ORC5: variants seen among roughly 807,000 people sequenced by gnomAD.
ORC5 encodes the protein protein phosphatase 1, regulatory subunit 117.
Under a neutral mutation model 58.8 loss-of-function variants are expected in ORC5, and 39 were observed. That is an observed-to-expected ratio of 0.66 (90% CI 0.51 to 0.87). The LOEUF is 0.87. ORC5 is among the 40% of genes least tolerant of loss of function. The probability of loss-of-function intolerance (pLI) is 0.00; values close to 1 mark genes in which losing one functional copy is unlikely to be tolerated. For synonymous variants in ORC5, 218 were observed against 177.6 expected (o/e 1.23, Z -1.81); for missense variants, 493 against 506.3 (o/e 0.97, Z 0.25).
In ORC5 at chr7:104,167,627, T is replaced by C. The variant is rs115825978; in HGVS notation, c.878-743A>G. Among the ~76,000 whole-genome samples the C allele has an allele frequency of 7.2e-3, 1,104 of 152,296 alleles. 18 individuals carry two copies. Among genetic ancestry groups the C allele is most frequent in the African/African-American group, 0.025 (1,046 of 41,558 alleles). On this transcript the variant is annotated intron_variant, in intron 9 of 13. Coordinates refer to ENST00000297431, the MANE Select transcript of ORC5 (RefSeq NM_002553.4). ...AGGGTCATTCAAGTAGCACTGATTC[T>C]TAAGGGAAGGGAAGGAATCTGATAT...
chr7:104,175,320 A>C (rs1048853656), intron 8 of ORC5, among the ~76,000 whole-genome samples: 2 of 152,182 alleles, frequency 1.3e-5, no homozygotes, highest in African/African-American at 4.8e-5. Context: ...AGAGCATTCT[A>C]ATTTCTCTAC....
intron 8 of ORC5, among the ~76,000 whole-genome samples, chr7:104,172,881 G>A (rs759340531): frequency 1.5e-4 from 23 of 151,448 alleles, no homozygotes; most frequent in Non-Finnish European, 2.1e-4. Context: ...GATTTATAAC[G>A]GTTCATATAT....
At chr7:104,173,069 G>T (rs1388717292) in intron 8 of ORC5, among the ~76,000 whole-genome samples, 1 of 151,016 alleles carries the variant, frequency 6.6e-6, no homozygotes, top group Non-Finnish European at 1.5e-5. Context: ...AGCCAGGGAG[G>T]GCCACGAAGA....
intron 8 of ORC5, among the ~76,000 whole-genome samples, chr7:104,177,939 A>G (rs1290539240): frequency 1.3e-5 from 2 of 152,154 alleles, no homozygotes; most frequent in Non-Finnish European, 2.9e-5. Flanking sequence ...CATGGTGTTT[A>G]TGTGCCACAT....
At chr7:104,131,063 A>G (rs760240328) in intron 13 of ORC5, among the ~76,000 whole-genome samples, 2 of 152,190 alleles carry the variant, frequency 1.3e-5, no homozygotes, top group African/African-American at 2.4e-5. Context: ...AGTCTCACAG[A>G]TTGGTGCCAT....
rs892589125 is a variant in ORC5 at position 104,136,531 on chromosome 7, T to C, written c.1262+250A>G. Among the ~76,000 whole-genome samples, 3 of 152,220 alleles carry C rather than the reference T, an allele frequency of 2.0e-5. No homozygotes were observed. The highest frequency in any genetic ancestry group is 1.3e-4 in the Admixed American group (2 of 15,286). ...TCCATTAAATCTTACCTTGCCACTA[T>C]GGGATCATTTATTCCAGCCTATTAA... is the stretch of plus-strand genomic sequence containing the variant. On this transcript the variant is annotated intron_variant, in intron 13 of 13. Coordinates refer to ENST00000297431, the MANE Select transcript of ORC5 (RefSeq NM_002553.4). This position sits in a 1 kb window ranked among gnomAD's most constrained non-coding sequence, Gnocchi z 4.2.
chr7:104,205,614 G>C (rs1000065192), intron 1 of ORC5, among the ~76,000 whole-genome samples: 1 of 152,172 alleles, frequency 6.6e-6, no homozygotes. Context: ...GGCAAAAGCA[G>C]CTCAACTGCT....
chr7:104,173,677 T>G (rs552006189), intron 8 of ORC5, among the ~76,000 whole-genome samples: 4 of 152,182 alleles, frequency 2.6e-5, no homozygotes, highest in Non-Finnish European at 5.9e-5. Context: ...TTTTGCCTTT[T>G]CTGGCAATCC....
At chr7:104,160,663 A>G (rs16873387) in intron 12 of ORC5, among the ~76,000 whole-genome samples, 8,097 of 152,174 alleles carry the variant, frequency 0.053, 711 homozygotes, top group African/African-American at 0.18. Context: ...AAGCACATCT[A>G]TCTGCAAAGT....
At chr7:104,127,299 T>C (rs1798444298) in intron 13 of ORC5, among the ~76,000 whole-genome samples, 1 of 152,260 alleles carries the variant, frequency 6.6e-6, no homozygotes, top group Non-Finnish European at 1.5e-5. Flanking sequence ...GACACCTGTT[T>C]TGTCATTACA....
chr7:104,196,852 T>C (rs771798989), intron 4 of ORC5, among the ~76,000 whole-genome samples: 4 of 152,206 alleles, frequency 2.6e-5, no homozygotes, highest in East Asian at 1.9e-4. Flanking sequence ...TTGAATAGTA[T>C]TGTTTTGCTC....
chr7:104,163,802 T>C (rs548505013), intron 11 of ORC5, among the ~76,000 whole-genome samples: 1 of 152,298 alleles, frequency 6.6e-6, no homozygotes, highest in South Asian at 2.1e-4. Context: ...GGATTTGCTT[T>C]TTACTACAAG....
intron 12 of ORC5, among the ~76,000 whole-genome samples, chr7:104,149,481 T>C (rs749495631): frequency 1.3e-5 from 2 of 151,994 alleles, no homozygotes; most frequent in Non-Finnish European, 2.9e-5. Context: ...GCCTAGGGAG[T>C]AGGTTCTCTT....
chr7:104,181,735 T>A (rs1394474478), intron 8 of ORC5, among the ~76,000 whole-genome samples: 1 of 147,322 alleles, frequency 6.8e-6, no homozygotes, highest in East Asian at 2.0e-4. Context: ...GAGCTTGTAG[T>A]GAGCCGAGAT....
chr7:104,195,043 ATAACAAAGTAT>A (rs1191023759), intron 5 of ORC5, 89 bp downstream of exon 5: 72 of 605,428 alleles, frequency 1.2e-4, no homozygotes, highest in Admixed American at 5.7e-4. Flanking sequence ...TCAAATGGGA[ATAACAAAGTAT>A]TCCCATTTGA....
chr7:104,142,793 T>A (rs1056665299), intron 12 of ORC5, among the ~76,000 whole-genome samples: 1 of 152,166 alleles, frequency 6.6e-6, no homozygotes, highest in Non-Finnish European at 1.5e-5. Context: ...TGAGCTCGTA[T>A]CTCTTAAAAG....
chr7:104,189,714 G>A (rs1799631230), intron 5 of ORC5, among the ~76,000 whole-genome samples: 1 of 152,172 alleles, frequency 6.6e-6, no homozygotes, highest in African/African-American at 2.4e-5. Flanking sequence ...AAGCTCCTGA[G>A]CTTGGGACCC....
chr7:104,172,018 C>T (rs540243460), intron 8 of ORC5, among the ~76,000 whole-genome samples: 51 of 152,320 alleles, frequency 3.3e-4, no homozygotes, highest in Non-Finnish European at 6.3e-4. Flanking sequence ...CAACGTATCC[C>T]TTGTCCCAAC....
At chr7:104,195,669 G>C (rs999593915) in intron 4 of ORC5, among the ~76,000 whole-genome samples, 1 of 152,140 alleles carries the variant, frequency 6.6e-6, no homozygotes, top group Admixed American at 6.6e-5. Flanking sequence ...GGAATTATAG[G>C]CATTAGCCAT....
Sources: gnomAD v4.1 joint callset for allele counts (sites outside exome capture counted in the v4.1 genomes callset) on GRCh38, gnomAD v4.1.1 for gene constraint, Gnocchi (gnomAD v3.1) non-coding constraint, MANE v1.5 for transcripts, NCBI Gene and HGNC (gene_info 2026-07-23, HGNC 2026-07-21) for gene names.